The following WDR7 variants were observed in gnomAD, a reference collection of about 807,000 sequenced individuals.
WDR7 encodes WD repeat domain 7, also known as WD repeat-containing protein 7.
In WDR7, 46 loss-of-function variants were observed where a neutral mutation model predicts 169.4. That is an observed-to-expected ratio of 0.27 (90% CI 0.21 to 0.35). The LOEUF is 0.35. Among genes scored for constraint, WDR7 ranks in the 10% least tolerant of loss-of-function variants. WDR7 has a pLI of 1.00. For synonymous variants in WDR7, 612 were observed against 666.8 expected, an observed-to-expected ratio of 0.92 and a Z score of 1.27; for missense variants, 1,534 against 1,859.3, an observed-to-expected ratio of 0.83 and a Z score of 3.22.
chr18:56,833,288 A>AAAAAGGAATG (rs2045345394), intron 20 of WDR7, among the ~76,000 whole-genome samples: 2 of 151,992 alleles, frequency 1.3e-5, no homozygotes, highest in Non-Finnish European at 2.9e-5. Context: ...AAGATTAGAG[A>AAAAAGGAATG]AAAAGGAATG....
At chr18:56,889,164 G>A (rs1478180281) in intron 21 of WDR7, among the ~76,000 whole-genome samples, 1 of 152,174 alleles carries the variant, frequency 6.6e-6, no homozygotes, top group Non-Finnish European at 1.5e-5. Context: ...TTAGGGAAGT[G>A]GGGACTTCAG....
intron 2 of WDR7, 139 bp from the exon 3 acceptor site, chr18:56,679,193 C>T (rs1397472520): frequency 1.6e-6 from 1 of 626,334 alleles, no homozygotes; most frequent in East Asian, 2.9e-5. Context: ...TCCAGCAGTG[C>T]TTTGCAAGAG....
At chr18:57,012,786 C>T (rs1006279708) in intron 26 of WDR7, among the ~76,000 whole-genome samples, 8 of 152,290 alleles carry the variant, frequency 5.3e-5, no homozygotes, top group African/African-American at 1.9e-4. Context: ...ACCTGGTATT[C>T]TGTGAGGCAG....
intron 5 of WDR7, among the ~76,000 whole-genome samples, chr18:56,683,618 A>G (rs576964471): frequency 3.9e-5 from 6 of 152,306 alleles, no homozygotes; most frequent in Admixed American, 3.3e-4. Flanking sequence ...AAGCATTTAC[A>G]TATGATCAAT....
In WDR7 at chr18:56,842,995, A is replaced by G. The variant is rs17090378; in HGVS notation, c.3304+26851A>G. Among the ~76,000 whole-genome samples, 233 of 152,234 alleles carry G rather than the reference A, an allele frequency of 1.5e-3. 7 individuals carry two copies. The East Asian group carries it at 0.042, about 28-fold the overall frequency. On this transcript the variant is annotated intron_variant, in intron 20 of 27. Transcript: ENST00000254442. ...TTTTGGCATTTGATGTTGTTGCTGT[A>G]AGACTATTAATTTTAAACTAGTGCT...
intron 19 of WDR7, 108 bp downstream of exon 19, chr18:56,781,764 C>T: frequency 6.0e-6 from 7 of 1,164,898 alleles, no homozygotes; most frequent in Non-Finnish European, 7.8e-6. Flanking sequence ...GAGTCACTGA[C>T]CTTAAAGTGA....
At chr18:56,697,811 G>T (rs2025736005) in intron 12 of WDR7, among the ~76,000 whole-genome samples, 1 of 152,044 alleles carries the variant, frequency 6.6e-6, no homozygotes. Flanking sequence ...GATTGATTTT[G>T]TGTGTGTGTG....
At chr18:57,013,123 C>G (rs550457898) in intron 26 of WDR7, among the ~76,000 whole-genome samples, 5 of 152,244 alleles carry the variant, frequency 3.3e-5, no homozygotes, top group African/African-American at 1.2e-4. Context: ...GAAACTGTTC[C>G]TCCTCAGATC....
chr18:56,711,351 T>C (rs953927973), intron 12 of WDR7, among the ~76,000 whole-genome samples: 7 of 152,076 alleles, frequency 4.6e-5, no homozygotes, highest in African/African-American at 1.7e-4. Context: ...GTATTTATGA[T>C]TGTGGGGTGA....
intron 14 of WDR7, among the ~76,000 whole-genome samples, chr18:56,733,899 G>A (rs1568164676): frequency 6.6e-6 from 1 of 152,042 alleles, no homozygotes; most frequent in African/African-American, 2.4e-5. Context: ...TTATCTCTGT[G>A]CTTTTCCATG....
intron 25 of WDR7, among the ~76,000 whole-genome samples, chr18:56,944,708 G>C (rs1214730826): frequency 6.6e-6 from 1 of 152,144 alleles, no homozygotes; most frequent in Non-Finnish European, 1.5e-5. Context: ...GCGCATACCA[G>C]TAAAATTTGA....
intron 21 of WDR7, among the ~76,000 whole-genome samples, chr18:56,900,624 T>A (rs150386737): frequency 0.011 from 1,687 of 152,276 alleles, 44 homozygotes; most frequent in African/African-American, 0.039. Context: ...AGGCTAAGAT[T>A]AGACTTCTTT....
At chr18:56,730,414 T>G (rs983696822) in intron 13 of WDR7, among the ~76,000 whole-genome samples, 1 of 152,178 alleles carries the variant, frequency 6.6e-6, no homozygotes, top group Non-Finnish European at 1.5e-5. Flanking sequence ...TTGCTGTGAC[T>G]TAGACAAGAA....
At chr18:56,680,742 CTG>C (rs768092259) in intron 3 of WDR7, among the ~76,000 whole-genome samples, 2 of 152,064 alleles carry the variant, frequency 1.3e-5, no homozygotes, top group Non-Finnish European at 2.9e-5. Flanking sequence ...AGAATGAAAA[CTG>C]GAATCTGGTA....
At position 56,818,067 on chromosome 18, in the gene WDR7, C is replaced by T. The variant is rs182409269; in HGVS notation, c.3304+1923C>T. Among the ~76,000 whole-genome samples the T allele has an allele frequency of 3.9e-5, 6 of 152,152 alleles. No homozygotes were observed. The East Asian group carries it at 9.7e-4, about 25-fold the overall frequency. On this transcript the variant is annotated intron_variant, in intron 20 of 27. Transcript: ENST00000254442. The stretch of plus-strand genomic sequence containing the variant: ...CTATTTGCAGATTTTTAAGCCAGTC[C>T]GTGTTTGTTCCGTTTTCACTGCTTT...
chr18:56,747,709 C>G (rs1277365350), intron 14 of WDR7, among the ~76,000 whole-genome samples: 2 of 152,036 alleles, frequency 1.3e-5, no homozygotes, highest in Non-Finnish European at 2.9e-5. Context: ...GGAAGAACAC[C>G]CCAGGCAAAG....
At chr18:56,691,178 A>C in intron 7 of WDR7, 38 bp from the exon 8 acceptor site, 1 of 1,576,326 alleles carries the variant, frequency 6.3e-7, no homozygotes, top group Non-Finnish European at 8.6e-7. Flanking sequence ...TTTTTACAAC[A>C]ATATGGAGTA....
At chr18:56,988,558 G>A (rs2047759287) in intron 26 of WDR7, among the ~76,000 whole-genome samples, 1 of 150,512 alleles carries the variant, frequency 6.6e-6, no homozygotes, top group African/African-American at 2.4e-5. Context: ...TTAAAGGTAA[G>A]TTTCCTCAGA....
At chr18:56,968,200 A>G (rs997102110) in intron 26 of WDR7, among the ~76,000 whole-genome samples, 1 of 152,146 alleles carries the variant, frequency 6.6e-6, no homozygotes, top group Non-Finnish European at 1.5e-5. Context: ...TTACTATTGA[A>G]AAGTTTTAAG....
Sources: gnomAD v4.1 joint callset for allele counts (sites outside exome capture counted in the v4.1 genomes callset) on GRCh38, gnomAD v4.1.1 for gene constraint, MANE v1.5 for transcripts, NCBI Gene and HGNC (gene_info 2026-07-23, HGNC 2026-07-21) for gene names.